Variants in DENND2B observed in about 807,000 individuals in gnomAD.
DENND2B encodes DENN domain containing 2B, also known as DENN domain-containing protein 2B.
A neutral mutation model predicts 116.0 loss-of-function variants in DENND2B; 32 were observed. The observed-to-expected ratio is 0.28, with a 90% CI of 0.21 to 0.37. DENND2B has a LOEUF of 0.37. DENND2B is among the 10% of genes least tolerant of loss of function. The pLI is 1.00. For synonymous variants in DENND2B, 588 were observed against 583.9 expected (o/e 1.01, Z -0.10); for missense variants, 1,276 against 1,477.7 (o/e 0.86, Z 2.24).
At chr11:8,872,496 A>G (rs1433981460), upstream of DENND2B, among the ~76,000 whole-genome samples, 2 of 151,798 alleles carry the variant, frequency 1.3e-5, no homozygotes, top group African/African-American at 4.8e-5. Flanking sequence ...AAAAAAAAAA[A>G]AAAAAAGAAA....
rs767052109 is a variant in DENND2B, at chr11:8,696,445, T to G, written c.3274A>C (p.Arg1092=). The change falls in exon 18 of 20, where the codon AGA becomes CGA. Residue 1092 remains arginine (R), a synonymous_variant. Transcript: ENST00000313726. ...FAGFIQDREL[R]KCRAKGLFEQ... is the part of the protein sequence containing the mutation. ...GACTTACCCTTTGCCCGACACTTTC[T>G]TAGCTCCCTGTCTTGGATGAAGCCA... 1.9e-6 allele frequency: 3 copies of G among 1,614,092 alleles called. No homozygotes were observed. The highest frequency in any genetic ancestry group is 2.2e-5 in the East Asian group (1 of 44,896).
intron 1 of DENND2B, among the ~76,000 whole-genome samples, chr11:8,800,786 C>T (rs1489195256): frequency 1.3e-5 from 2 of 152,160 alleles, no homozygotes; most frequent in Non-Finnish European, 2.9e-5. Flanking sequence ...GCAAAAGTTC[C>T]TGTTCCCTGA....
At chr11:8,822,031 T>C (rs2061786878) in intron 4 of DENND2B, among the ~76,000 whole-genome samples, 1 of 152,180 alleles carries the variant, frequency 6.6e-6, no homozygotes, top group African/African-American at 2.4e-5. Context: ...AACTATTTTC[T>C]ACCATTCAAC....
intron 1 of DENND2B, among the ~76,000 whole-genome samples, chr11:8,783,818 T>C (rs1206566550): frequency 2.0e-5 from 3 of 152,178 alleles, no homozygotes; most frequent in Non-Finnish European, 4.4e-5. Flanking sequence ...ACAAAAGCTC[T>C]ACCGAAACGA....
At chr11:8,860,845 G>C (rs1368017483) in intron 2 of DENND2B, among the ~76,000 whole-genome samples, 1 of 152,110 alleles carries the variant, frequency 6.6e-6, no homozygotes, top group Non-Finnish European at 1.5e-5. Flanking sequence ...TAGATACACA[G>C]ACCAGTGAAA....
At chr11:8,870,008 C>A (rs989751827) in intron 2 of DENND2B, among the ~76,000 whole-genome samples, 1 of 152,148 alleles carries the variant, frequency 6.6e-6, no homozygotes, top group East Asian at 1.9e-4. Context: ...GGGTTTTAAC[C>A]CTGTGGCCCC....
In DENND2B at chr11:8,707,933, G is replaced by A; in HGVS notation, c.2353-79C>T. 6.5e-7 allele frequency: 1 copy of A among 1,549,728 alleles called. No homozygotes were observed. The highest frequency in any genetic ancestry group is 1.4e-5 in the African/African-American group (1 of 73,652). On this transcript the variant is annotated intron_variant, in intron 11 of 19. Coordinates refer to ENST00000313726, the MANE Select transcript of DENND2B (RefSeq NM_213618.2). This position sits in a 1 kb window ranked among gnomAD's most constrained non-coding sequence, Gnocchi z 4.8. ...TACCATTTCTGGCTCCTTTTCCTTG[G>A]GAACGGAGGAGTAAGGACTGCCCTT... is the stretch of plus-strand genomic sequence containing the variant.
At chr11:8,837,603 C>A (rs1474704009) in intron 4 of DENND2B, among the ~76,000 whole-genome samples, 4 of 152,214 alleles carry the variant, frequency 2.6e-5, no homozygotes, top group African/African-American at 9.6e-5. Flanking sequence ...ACCTCAGCCT[C>A]CGAAAGTGCT....
At chr11:8,821,896 A>G (rs957072908) in intron 4 of DENND2B, among the ~76,000 whole-genome samples, 1 of 152,096 alleles carries the variant, frequency 6.6e-6, no homozygotes, top group African/African-American at 2.4e-5. Context: ...GGCTCAAGCA[A>G]TTCTCCCACC....
In DENND2B at chr11:8,749,212, T is replaced by C. The variant is rs189806485; in HGVS notation, c.80+1409A>G. On this transcript the variant is annotated intron_variant, in intron 2 of 19. Coordinates refer to ENST00000313726, the MANE Select transcript of DENND2B (RefSeq NM_213618.2). The stretch of plus-strand genomic sequence containing the variant: ...AATGGGAGATAAAGACTCTGAGACC[T>C]TGACTTGTTTCTACCTTGGACACCA... Among the ~76,000 whole-genome samples the C allele has an allele frequency of 5.0e-3, 765 of 152,322 alleles. 2 individuals carry two copies. The highest frequency in any genetic ancestry group is 6.6e-3 in the Non-Finnish European group (448 of 68,032).
At chr11:8,809,654 A>G (rs573599881) in intron 1 of DENND2B, 5 of 152,304 alleles carry the variant, frequency 3.3e-5, no homozygotes, top group African/African-American at 9.6e-5. Flanking sequence ...AAGTTTTACC[A>G]AAACTTAGGA....
intron 1 of DENND2B, among the ~76,000 whole-genome samples, chr11:8,807,011 T>C (rs1371661131): frequency 6.6e-6 from 1 of 151,868 alleles, no homozygotes; most frequent in Non-Finnish European, 1.5e-5. Flanking sequence ...TGCCTGCAGA[T>C]TTCCCCTTCC....
chr11:8,714,487 T>C (rs922485423), intron 7 of DENND2B, 123 bp downstream of exon 7: 1 of 783,356 alleles, frequency 1.3e-6, no homozygotes, highest in Non-Finnish European at 2.1e-6. Context: ...CCCTGTCTGC[T>C]CCTCCCTCCT....
At chr11:8,880,345 C>CTGGGGGTGTG (rs71485245) in intron 2 of DENND2B, among the ~76,000 whole-genome samples, 3 of 120,552 alleles carry the variant, frequency 2.5e-5, no homozygotes, top group East Asian at 2.4e-4. Flanking sequence ...TCACTTTGAA[C>CTGGGGGTGTG]TGTGTGTGTG....
intron 2 of DENND2B, among the ~76,000 whole-genome samples, chr11:8,739,240 G>A (rs1008621750): frequency 2.6e-5 from 4 of 152,218 alleles, no homozygotes; most frequent in South Asian, 4.1e-4. Flanking sequence ...AAAGGTACAC[G>A]AAGCACTCGG....
intron 1 of DENND2B, among the ~76,000 whole-genome samples, chr11:8,755,346 T>C (rs1467094547): frequency 6.6e-6 from 1 of 152,252 alleles, no homozygotes; most frequent in East Asian, 1.9e-4. Flanking sequence ...GTGATTGGTT[T>C]TGATGATAAA....
intron 2 of DENND2B, chr11:8,880,953 C>T (rs550349589): frequency 6.6e-6 from 1 of 152,086 alleles, no homozygotes; most frequent in African/African-American, 2.4e-5. Context: ...TCTTCATTCC[C>T]CCATCTCCTG....
intron 1 of DENND2B, among the ~76,000 whole-genome samples, chr11:8,796,989 C>A (rs1013215016): frequency 6.6e-6 from 1 of 152,020 alleles, no homozygotes; most frequent in Non-Finnish European, 1.5e-5. Flanking sequence ...CAAAATGTGA[C>A]CATAAATAAC....
intron 1 of DENND2B, among the ~76,000 whole-genome samples, chr11:8,888,280 A>G (rs1327664325): frequency 2.0e-5 from 3 of 152,100 alleles, no homozygotes; most frequent in Non-Finnish European, 2.9e-5. Flanking sequence ...GATGGGCAAA[A>G]AGGATCTTGT....
Sources: allele counts gnomAD v4.1 joint callset (sites outside exome capture counted in the v4.1 genomes callset), GRCh38; gene constraint gnomAD v4.1.1; non-coding constraint Gnocchi (gnomAD v3.1); transcripts MANE v1.5; gene names NCBI Gene and HGNC (gene_info 2026-07-23, HGNC 2026-07-21).